Variants in GALNT13 observed in about 807,000 individuals in gnomAD.
The protein encoded by GALNT13 is UDP-GalNAc:polypeptide N-acetylgalactosaminyltransferase 13.
Under a neutral mutation model 64.2 loss-of-function variants are expected in GALNT13, and 28 were observed. The observed-to-expected ratio is 0.44, with a 90% CI of 0.32 to 0.60. GALNT13 has a LOEUF of 0.60. Among genes scored for constraint, GALNT13 ranks in the 20% least tolerant of loss-of-function variants. The pLI is 0.05. For synonymous variants in GALNT13, 214 were observed against 224.6 expected (o/e 0.95, Z 0.42); for missense variants, 577 against 669.8 (o/e 0.86, Z 1.53).
At chr2:154,208,471 T>A (rs1687587149) in intron 4 of GALNT13, among the ~76,000 whole-genome samples, 2 of 152,184 alleles carry the variant, frequency 1.3e-5, no homozygotes, top group African/African-American at 4.8e-5. Flanking sequence ...AGAATCTATT[T>A]TTTCCTATGT....
the GALNT13 span, among the ~76,000 whole-genome samples, chr2:153,331,601 G>A: frequency 6.6e-6 from 1 of 152,082 alleles, no homozygotes; most frequent in East Asian, 1.9e-4. Context: ...TGTAGTCCGG[G>A]ATGCTAGGCC....
chr2:153,647,191 G>T, the GALNT13 span, among the ~76,000 whole-genome samples: 1 of 152,278 alleles, frequency 6.6e-6, no homozygotes, highest in East Asian at 1.9e-4. Flanking sequence ...TTGTTGTTTT[G>T]ATTTGCATTT....
At chr2:154,302,225 G>A (rs1337495786) in intron 9 of GALNT13, among the ~76,000 whole-genome samples, 1 of 151,788 alleles carries the variant, frequency 6.6e-6, no homozygotes, top group Non-Finnish European at 1.5e-5. Flanking sequence ...CTGGGTGGTG[G>A]GATTATTAAT....
At chr2:153,223,236 G>A in the GALNT13 span, among the ~76,000 whole-genome samples, 2 of 152,224 alleles carry the variant, frequency 1.3e-5, no homozygotes, top group African/African-American at 4.8e-5. Context: ...TATAGTTGGA[G>A]ACTTCAGCAC....
the GALNT13 span, among the ~76,000 whole-genome samples, chr2:153,749,802 T>C: frequency 6.6e-6 from 1 of 151,972 alleles, no homozygotes; most frequent in Non-Finnish European, 1.5e-5. Context: ...CTTTGTCCAT[T>C]GCAGTTTGGA....
chr2:154,233,886 C>A (rs1404550934), intron 4 of GALNT13, among the ~76,000 whole-genome samples: 1 of 152,082 alleles, frequency 6.6e-6, no homozygotes, highest in Non-Finnish European at 1.5e-5. Context: ...GAGATCTAAG[C>A]AAGCAGGCAA....
chr2:154,418,508 G>T (rs1227825636), intron 11 of GALNT13, among the ~76,000 whole-genome samples: 1 of 152,046 alleles, frequency 6.6e-6, no homozygotes, highest in Non-Finnish European at 1.5e-5. Context: ...GGAGTAAAGC[G>T]GCCAATAAGC....
At chr2:154,023,339 A>C (rs1337340159) in intron 3 of GALNT13, among the ~76,000 whole-genome samples, 1 of 152,192 alleles carries the variant, frequency 6.6e-6, no homozygotes, top group Non-Finnish European at 1.5e-5. Context: ...GTCTCTTTGT[A>C]GGTCACTAAG....
chr2:153,893,237 T>G (rs1687670990), intron 1 of GALNT13, among the ~76,000 whole-genome samples: 1 of 152,116 alleles, frequency 6.6e-6, no homozygotes, highest in African/African-American at 2.4e-5. Flanking sequence ...TCATGTTTTC[T>G]TAACTTTTGG....
the GALNT13 span, among the ~76,000 whole-genome samples, chr2:153,561,641 C>CTG: frequency 9.6e-3 from 1,404 of 146,550 alleles, 10 homozygotes; most frequent in Middle Eastern, 0.028. Flanking sequence ...GATGTTCAAC[C>CTG]TGTGTGTGTG....
chr2:153,145,436 T>G, the GALNT13 span, among the ~76,000 whole-genome samples: 2 of 151,976 alleles, frequency 1.3e-5, no homozygotes, highest in Non-Finnish European at 2.9e-5. Flanking sequence ...GTTTAAAAAA[T>G]ATACCTAGTT....
chr2:154,150,779 G>T (rs569581465), intron 4 of GALNT13, among the ~76,000 whole-genome samples: 5 of 152,040 alleles, frequency 3.3e-5, no homozygotes, highest in East Asian at 1.9e-4. Flanking sequence ...GGTGATATCC[G>T]CTTTATCATT....
chr2:153,473,697 A>G, the GALNT13 span, among the ~76,000 whole-genome samples: 2 of 152,210 alleles, frequency 1.3e-5, no homozygotes, highest in South Asian at 4.1e-4. Flanking sequence ...GAACCCTGGA[A>G]TCTTTCCTGT....
At chr2:153,509,513 A>T in the GALNT13 span, among the ~76,000 whole-genome samples, 283 of 152,368 alleles carry the variant, frequency 1.9e-3, no homozygotes, top group African/African-American at 6.4e-3. Flanking sequence ...AAAAGCACAG[A>T]CCATAAAGAA....
At chr2:153,956,599 C>A (rs1692585195) in intron 3 of GALNT13, among the ~76,000 whole-genome samples, 1 of 152,040 alleles carries the variant, frequency 6.6e-6, no homozygotes, top group South Asian at 2.1e-4. Context: ...TTCTTTATAT[C>A]ATTCCTTGCA....
chr2:153,513,154 G>T, the GALNT13 span, among the ~76,000 whole-genome samples: 13,870 of 152,016 alleles, frequency 0.091, 691 homozygotes, highest in East Asian at 0.22. Context: ...CCAGGTTTTT[G>T]TTTTTGTTTT....
At chr2:154,171,142 A>G (rs185350308) in intron 4 of GALNT13, among the ~76,000 whole-genome samples, 126 of 152,282 alleles carry the variant, frequency 8.3e-4, no homozygotes, top group Non-Finnish European at 1.4e-3. Flanking sequence ...AACTGAGGTT[A>G]GGAATATTTT....
At chr2:153,750,930 T>G in the GALNT13 span, among the ~76,000 whole-genome samples, 1 of 151,872 alleles carries the variant, frequency 6.6e-6, no homozygotes, top group Admixed American at 6.6e-5. Flanking sequence ...TTCTCTTATT[T>G]GTTATAGGCA....
chr2:153,117,833 T>C, the GALNT13 span, among the ~76,000 whole-genome samples: 3 of 152,156 alleles, frequency 2.0e-5, no homozygotes, highest in African/African-American at 7.2e-5. Flanking sequence ...ATGCTTGTTA[T>C]TGTCATGGCC....
Sources: gnomAD v4.1 joint callset for allele counts (sites outside exome capture counted in the v4.1 genomes callset) on GRCh38, gnomAD v4.1.1 for gene constraint, MANE v1.5 for transcripts, NCBI Gene and HGNC (gene_info 2026-07-23, HGNC 2026-07-21) for gene names.